The following NSD1 variants were observed in gnomAD, a reference collection of about 807,000 sequenced individuals.
NSD1 encodes histone-lysine N-methyltransferase, H3 lysine-36 specific.
Under a neutral mutation model 242.7 loss-of-function variants are expected in NSD1, and 26 were observed. That is an observed-to-expected ratio of 0.11 (90% CI 0.08 to 0.15). The LOEUF is 0.15. Among genes scored for constraint, NSD1 ranks in the 10% least tolerant of loss-of-function variants. The pLI is 1.00. For missense variants in NSD1, 2,495 were observed against 3,272.8 expected, an observed-to-expected ratio of 0.76 and a Z score of 5.80; for synonymous variants, 1,106 against 1,178.1, an observed-to-expected ratio of 0.94 and a Z score of 1.25.
chr5:177,252,796 C>CTTTT (rs149731842), intron 12 of NSD1, among the ~76,000 whole-genome samples: 2,696 of 132,476 alleles, frequency 0.02, 65 homozygotes, highest in South Asian at 0.049. Flanking sequence ...TCTCTCTCTC[C>CTTTT]CTTTTTTTTT....
intron 3 of NSD1, among the ~76,000 whole-genome samples, chr5:177,194,458 T>G (rs915021793): frequency 3.3e-5 from 5 of 150,250 alleles, no homozygotes; most frequent in Admixed American, 6.7e-5. Context: ...TTTTTTTTTT[T>G]GGGTGGAGAT....
At chr5:177,171,537 T>C (rs1190590808) in intron 2 of NSD1, among the ~76,000 whole-genome samples, 3 of 152,224 alleles carry the variant, frequency 2.0e-5, no homozygotes, top group East Asian at 1.9e-4. Context: ...TAATACTTCA[T>C]TGTATGGATA....
At chr5:177,246,873 C>T in intron 10 of NSD1, 77 bp downstream of exon 10, 1 of 1,017,444 alleles carries the variant, frequency 9.8e-7, no homozygotes, top group South Asian at 1.3e-5. Context: ...CCCTCTTTCC[C>T]TTGAGTTTTC....
At chr5:177,273,904 C>A (rs1758143471) in intron 17 of NSD1, 120 bp downstream of exon 17, 1 of 706,716 alleles carries the variant, frequency 1.4e-6, no homozygotes, top group Admixed American at 2.3e-5. Flanking sequence ...GAGGTATGAG[C>A]TTAAAAGAAG....
At position 177,135,177 on chromosome 5, in the gene NSD1, C is replaced by A. The variant is rs767337519; in HGVS notation, c.74C>A (p.Pro25His). ...TCCAATCCAGTGAATTTAGATGCCC[C>A]TGAAGACAAGGACAGCCCTTTCGGT... ...PFSNPVNLDAPEDKDSPFGNG... is the reference protein window; with the variant it reads ...PFSNPVNLDAHEDKDSPFGNG... The change falls in exon 2 of 23, where the codon CCT becomes CAT. Residue 25 changes from proline to histidine, a missense_variant. This residue lies in a region of NSD1 where 376 missense variants were observed against 367.4 expected (regional missense o/e 1.02). Coordinates refer to ENST00000439151, the MANE Select transcript of NSD1 (RefSeq NM_022455.5). 3 of 1,614,034 alleles carry A rather than the reference C, an allele frequency of 1.9e-6. No individual in the cohort carries two copies. Among genetic ancestry groups the A allele is most frequent in the Non-Finnish European group, 2.5e-6 (3 of 1,180,028 alleles).
chr5:177,258,488 T>C (rs1021700765), intron 13 of NSD1, among the ~76,000 whole-genome samples: 1 of 152,134 alleles, frequency 6.6e-6, no homozygotes, highest in Non-Finnish European at 1.5e-5. Context: ...AGTTTTGAAA[T>C]GTGTTCTCTT....
At chr5:177,177,344 CT>C (rs1298949955) in intron 2 of NSD1, among the ~76,000 whole-genome samples, 2 of 151,882 alleles carry the variant, frequency 1.3e-5, no homozygotes, top group African/African-American at 4.8e-5. Flanking sequence ...GTGAAACCCC[CT>C]CTCTACTAAA....
intron 3 of NSD1, among the ~76,000 whole-genome samples, chr5:177,196,647 T>C (rs1762122212): frequency 6.6e-6 from 1 of 152,234 alleles, no homozygotes; most frequent in Non-Finnish European, 1.5e-5. Context: ...AAAGGACATA[T>C]TCTTGTTCAT....
rs777207943 is a variant in NSD1 at position 177,297,403 on chromosome 5, A to G, written c.*1944A>G. The stretch of plus-strand genomic sequence containing the variant: ...ATTTTTAAAGAAATTCACCGAGAAC[A>G]TTAAAGTTCATTATATTAAGTATTT... On this transcript the variant is annotated 3_prime_UTR_variant, in exon 23 of 23. Transcript: ENST00000439151. 2.6e-5 allele frequency: 6 copies of G among 229,458 alleles called. No individual in the cohort carries two copies. Among genetic ancestry groups the G allele is most frequent in the Admixed American group, 5.7e-5 (1 of 17,654 alleles). 14.2% of individuals were successfully genotyped at this position (229,458 alleles called of 1,614,324 possible).
chr5:177,153,717 T>G (rs1450623936), intron 2 of NSD1, among the ~76,000 whole-genome samples: 1 of 152,208 alleles, frequency 6.6e-6, no homozygotes, highest in African/African-American at 2.4e-5. Flanking sequence ...TCTAGATATT[T>G]GATAAACTGA....
At chr5:177,260,217 C>T in intron 14 of NSD1, 49 bp downstream of exon 14, 1 of 1,550,918 alleles carries the variant, frequency 6.4e-7, no homozygotes, top group Non-Finnish European at 8.8e-7. Flanking sequence ...GGGATTAAAT[C>T]AATGTTTTAA....
At chr5:177,268,747 A>G (rs1460513177) in intron 15 of NSD1, among the ~76,000 whole-genome samples, 2 of 152,058 alleles carry the variant, frequency 1.3e-5, no homozygotes, top group African/African-American at 4.8e-5. Flanking sequence ...CCTTTATGTA[A>G]AGGAATTATT....
intron 5 of NSD1, among the ~76,000 whole-genome samples, chr5:177,231,829 CCT>C (rs1326721555): frequency 6.6e-6 from 1 of 152,020 alleles, no homozygotes; most frequent in Non-Finnish European, 1.5e-5. Context: ...ATCTTATTCT[CCT>C]GCCTTTTGCA....
intron 14 of NSD1, chr5:177,265,072 G>C: frequency 2.6e-6 from 2 of 755,410 alleles, no homozygotes; most frequent in African/African-American, 1.7e-5. Context: ...AGCCAAGATA[G>C]CTTCCTGAAA....
chr5:177,176,646 G>A (rs952192401), intron 2 of NSD1, among the ~76,000 whole-genome samples: 2 of 152,010 alleles, frequency 1.3e-5, no homozygotes, highest in Non-Finnish European at 2.9e-5. Context: ...TATATAATCT[G>A]CATTTACCAG....
chr5:177,149,341 C>A (rs1200803481), intron 2 of NSD1, among the ~76,000 whole-genome samples: 1 of 151,580 alleles, frequency 6.6e-6, no homozygotes, highest in African/African-American at 2.4e-5. Flanking sequence ...GCGTCAGCCT[C>A]TGGAGTAGCT....
intron 5 of NSD1, among the ~76,000 whole-genome samples, chr5:177,218,907 C>T (rs1464621771): frequency 2.6e-5 from 4 of 151,074 alleles, no homozygotes; most frequent in Non-Finnish European, 4.4e-5. Context: ...TAACGGGAGC[C>T]GTATGTTTCT....
At chr5:177,231,993 G>A (rs1157483759) in intron 5 of NSD1, among the ~76,000 whole-genome samples, 1 of 152,126 alleles carries the variant, frequency 6.6e-6, no homozygotes, top group East Asian at 1.9e-4. Context: ...CCTATCTCCT[G>A]GGCTGAAGCC....
chr5:177,150,678 G>A (rs1757631299), intron 2 of NSD1, among the ~76,000 whole-genome samples: 1 of 151,618 alleles, frequency 6.6e-6, no homozygotes. Flanking sequence ...TTTCACATTA[G>A]ATTAAATTAA....
Sources: allele counts gnomAD v4.1 joint callset (sites outside exome capture counted in the v4.1 genomes callset), GRCh38; gene constraint gnomAD v4.1.1; regional missense constraint gnomAD v4.1.1; transcripts MANE v1.5; gene names NCBI Gene and HGNC (gene_info 2026-07-23, HGNC 2026-07-21).